GBE1: variants seen among roughly 807,000 people sequenced by gnomAD.
GBE1 encodes the protein 1,4-alpha-glucan-branching enzyme.
In GBE1, 70 loss-of-function variants were observed where a neutral mutation model predicts 88.8. The ratio of observed to expected loss-of-function variants is 0.79; its 90% CI spans 0.65 to 0.96. The LOEUF is 0.96. Among genes scored for constraint, GBE1 ranks in the 40% least tolerant of loss-of-function variants. The pLI is 0.00. For synonymous variants in GBE1, 284 were observed against 300.1 expected (o/e 0.95, Z 0.56); for missense variants, 872 against 871.0 (o/e 1.00, Z -0.01).
chr3:81,745,316 C>T (rs1706406119), intron 1 of GBE1, among the ~76,000 whole-genome samples: 1 of 152,072 alleles, frequency 6.6e-6, no homozygotes, highest in South Asian at 2.1e-4. Flanking sequence ...ACATGTATTA[C>T]TTATTTTTAA....
chr3:81,596,688 C>T (rs929560665), intron 7 of GBE1, among the ~76,000 whole-genome samples: 3 of 151,822 alleles, frequency 2.0e-5, no homozygotes, highest in Non-Finnish European at 2.9e-5. Flanking sequence ...CATTTTGTGT[C>T]ACAGATACCC....
At chr3:81,743,718 T>C in intron 1 of GBE1, 1 of 818,044 alleles carries the variant, frequency 1.2e-6, no homozygotes, top group East Asian at 3.0e-5. Context: ...ATTTACTTTG[T>C]CTGGCCCATG....
rs1048378131 is a variant in GBE1, at chr3:81,489,839, A to T, written c.*568T>A. On this transcript the variant is annotated 3_prime_UTR_variant, in exon 16 of 16. Transcript: ENST00000429644. ...TGGACAAGAGATCACAAAATAAAAC[A>T]CAAAATGAGACACGGATGAGTTCAT... The T allele has an allele frequency of 6.6e-6, 1 of 152,206 alleles. No homozygotes were observed. Among genetic ancestry groups the T allele is most frequent in the Non-Finnish European group, 1.5e-5 (1 of 68,048 alleles). The allele number at this position is 152,206 out of a possible 1,614,324, so 9.4% of individuals were successfully genotyped here. A position where few individuals can be genotyped will look rare whatever the true frequency, so the allele number is the denominator to read the frequency against.
intron 12 of GBE1, among the ~76,000 whole-genome samples, chr3:81,564,420 C>A (rs1223856907): frequency 6.6e-6 from 1 of 152,106 alleles, no homozygotes; most frequent in Admixed American, 6.6e-5. Context: ...TCACAAATAT[C>A]CCAAAGGAAG....
chr3:81,633,829 C>T (rs190157446), intron 7 of GBE1, among the ~76,000 whole-genome samples: 47 of 152,268 alleles, frequency 3.1e-4, no homozygotes, highest in Middle Eastern at 3.4e-3. Context: ...TGCGTGTCTC[C>T]TAAGGCACAT....
chr3:81,554,282 T>C (rs1038587413), intron 12 of GBE1, among the ~76,000 whole-genome samples: 2 of 152,194 alleles, frequency 1.3e-5, no homozygotes, highest in African/African-American at 4.8e-5. Context: ...ATGGAGAACC[T>C]TGTAAAAATG....
At chr3:81,611,716 A>AT (rs1040570843) in intron 7 of GBE1, among the ~76,000 whole-genome samples, 1 of 152,142 alleles carries the variant, frequency 6.6e-6, no homozygotes, top group Non-Finnish European at 1.5e-5. Context: ...TAGAGTCTGA[A>AT]TTTTTTAGGA....
At chr3:81,627,577 T>C (rs940981937) in intron 7 of GBE1, among the ~76,000 whole-genome samples, 3 of 151,862 alleles carry the variant, frequency 2.0e-5, no homozygotes, top group South Asian at 2.1e-4. Context: ...GGAAGTAAAA[T>C]AAAGAGGGAA....
At chr3:81,704,993 T>C (rs980976677) in intron 2 of GBE1, among the ~76,000 whole-genome samples, 4 of 152,112 alleles carry the variant, frequency 2.6e-5, no homozygotes, top group Non-Finnish European at 5.9e-5. Flanking sequence ...ACACCCCAGA[T>C]TAGATATCTA....
At position 81,537,000 on chromosome 3, in the gene GBE1, C is replaced by T. The variant is rs775980435; in HGVS notation, c.1714G>A (p.Asp572Asn). Reference sequence around the variant, plus strand: ...AGGAACTTGTAGCGAAGAAGGTCGTCGTCAGTTAAATGAAACTGCCGCCTG... The same window carrying T: ...AGGAACTTGTAGCGAAGAAGGTCGTTGTCAGTTAAATGAAACTGCCGCCTG... ...YARRQFHLTD[D>N]DLLRYKFLNN... The change falls in exon 13 of 16, where the codon GAC becomes AAC. Residue 572 changes from aspartate (D) to asparagine (N), a missense_variant. By Grantham distance (23) the Asp-to-Asn change is conservative. Transcript: ENST00000429644. 1.1e-5 allele frequency: 18 copies of T among 1,591,766 alleles called. No homozygotes were observed. Among genetic ancestry groups the T allele is most frequent in the Non-Finnish European group, 1.5e-5 (17 of 1,170,276 alleles).
At chr3:81,738,537 A>T (rs59256908) in intron 1 of GBE1, among the ~76,000 whole-genome samples, 2,601 of 143,712 alleles carry the variant, frequency 0.018, 84 homozygotes, top group African/African-American at 0.064. Context: ...TTTTTTTTTT[A>T]AAAAAAAAGA....
At chr3:81,590,994 C>A (rs140728417) in intron 9 of GBE1, 43 bp downstream of exon 9, 2 of 1,550,410 alleles carry the variant, frequency 1.3e-6, no homozygotes, top group Non-Finnish European at 1.8e-6. Context: ...AAAATACTCT[C>A]TATTAAAGGG....
intron 12 of GBE1, among the ~76,000 whole-genome samples, chr3:81,542,596 G>A (rs767983337): frequency 6.6e-6 from 1 of 151,818 alleles, no homozygotes; most frequent in South Asian, 2.1e-4. Flanking sequence ...TCATTTTAGT[G>A]CCCTCTAAGA....
At chr3:81,537,212 C>A in intron 12 of GBE1, 117 bp from the exon 13 acceptor site, 2 of 675,824 alleles carry the variant, frequency 3.0e-6, no homozygotes, top group East Asian at 6.7e-5. Flanking sequence ...CTATCATTTA[C>A]TAGACCTGTG....
At chr3:81,548,518 G>A (rs961293935) in intron 12 of GBE1, among the ~76,000 whole-genome samples, 4 of 151,286 alleles carry the variant, frequency 2.6e-5, no homozygotes, top group Non-Finnish European at 4.4e-5. Flanking sequence ...AGGACTTAGT[G>A]TATGTTATTA....
At chr3:81,491,209 G>A (rs2106798065) in intron 15 of GBE1, among the ~76,000 whole-genome samples, 1 of 152,274 alleles carries the variant, frequency 6.6e-6, no homozygotes, top group East Asian at 1.9e-4. Context: ...TCCCAGCTAT[G>A]TGGAGAGGCT....
chr3:81,699,162 T>A (rs1705648587), intron 2 of GBE1, among the ~76,000 whole-genome samples: 1 of 152,036 alleles, frequency 6.6e-6, no homozygotes, highest in African/African-American at 2.4e-5. Context: ...AAATTTCCAA[T>A]AAACTTAATT....
chr3:81,714,828 G>C (rs73853470), intron 1 of GBE1, among the ~76,000 whole-genome samples: 206 of 152,234 alleles, frequency 1.4e-3, no homozygotes, highest in African/African-American at 4.9e-3. Flanking sequence ...ACTCTTCCTT[G>C]TTTTCTGATG....
At chr3:81,567,671 A>C (rs1703511247) in intron 12 of GBE1, among the ~76,000 whole-genome samples, 1 of 152,174 alleles carries the variant, frequency 6.6e-6, no homozygotes, top group Non-Finnish European at 1.5e-5. Flanking sequence ...AAAGACTATT[A>C]CTAAGACTTC....
Sources: gnomAD v4.1 joint callset for allele counts (sites outside exome capture counted in the v4.1 genomes callset) on GRCh38, gnomAD v4.1.1 for gene constraint, MANE v1.5 for transcripts, NCBI Gene and HGNC (gene_info 2026-07-23, HGNC 2026-07-21) for gene names.